The following CSMD1 variants were observed in gnomAD, a reference collection of about 807,000 sequenced individuals.
CSMD1 encodes the protein CUB and Sushi multiple domains 1, also known as CUB and sushi domain-containing protein 1.
In CSMD1, 213 loss-of-function variants were observed where a neutral mutation model predicts 417.5. That is an observed-to-expected ratio of 0.51 (90% CI 0.46 to 0.57). The LOEUF (loss-of-function observed/expected upper bound fraction) is 0.57, where lower values mean the gene tolerates loss of function less well. CSMD1 is among the 20% of genes least tolerant of loss of function. The pLI, the probability that CSMD1 is intolerant of heterozygous loss-of-function variation, is 0.00. For synonymous variants in CSMD1, 2,862 were observed against 1,736.8 expected (o/e 1.65, Z -16.11); for missense variants, 6,923 against 4,529.7 (o/e 1.53, Z -15.17).
At position 3,561,180 on chromosome 8, in the gene CSMD1, T is replaced by C. The variant is rs543431541; in HGVS notation, c.1344+13765A>G. On this transcript the variant is annotated intron_variant, in intron 10 of 69. Coordinates refer to ENST00000635120, the MANE Select transcript of CSMD1 (RefSeq NM_033225.6). Reference sequence around the variant, plus strand: ...AAGGATGTGCAGAAAGCAAATACTATTGGTAGCAATGTAAATGAGTAAGCC... The same window carrying C: ...AAGGATGTGCAGAAAGCAAATACTACTGGTAGCAATGTAAATGAGTAAGCC... Among the ~76,000 whole-genome samples the C allele has an allele frequency of 9.2e-5, 14 of 152,298 alleles. No homozygotes were observed. The East Asian group carries it at 2.5e-3, about 27-fold the overall frequency.
intron 49 of CSMD1, among the ~76,000 whole-genome samples, chr8:3,078,642 A>G (rs1334081267): frequency 6.6e-6 from 1 of 152,194 alleles, no homozygotes; most frequent in African/African-American, 2.4e-5. Flanking sequence ...TGAAAAACTT[A>G]AAGACAAAGA....
intron 41 of CSMD1, 135 bp downstream of exon 41, chr8:3,142,330 G>C: frequency 1.2e-6 from 1 of 802,352 alleles, no homozygotes; most frequent in Non-Finnish European, 2.0e-6. Flanking sequence ...CTACTAACCA[G>C]AAACCAACAT....
chr8:3,278,628 A>G (rs373759320), intron 26 of CSMD1: 1 of 148,946 alleles, frequency 6.7e-6, no homozygotes, highest in African/African-American at 2.5e-5. Context: ...ATCACAACAC[A>G]ATCTAATTTA....
chr8:3,454,699 C>T (rs1815990060), intron 12 of CSMD1, among the ~76,000 whole-genome samples: 1 of 152,208 alleles, frequency 6.6e-6, no homozygotes, highest in African/African-American at 2.4e-5. Context: ...GTCTGATGGG[C>T]TTCCCCTTGT....
intron 4 of CSMD1, among the ~76,000 whole-genome samples, chr8:4,023,636 G>C (rs2954631): frequency 0.21 from 31,621 of 147,666 alleles, 4,187 homozygotes; most frequent in South Asian, 0.32. Flanking sequence ...GCCCAGGCTA[G>C]AGTGCAGTGG....
chr8:3,388,175 G>A (rs995906391), intron 17 of CSMD1, among the ~76,000 whole-genome samples: 1 of 152,076 alleles, frequency 6.6e-6, no homozygotes, highest in Non-Finnish European at 1.5e-5. Context: ...TAAAAACTGT[G>A]CTAGTGTTAT....
intron 1 of CSMD1, among the ~76,000 whole-genome samples, chr8:4,955,110 T>C (rs1208948859): frequency 6.6e-6 from 1 of 152,124 alleles, no homozygotes; most frequent in Non-Finnish European, 1.5e-5. Flanking sequence ...CAGAAATGGC[T>C]TTAAATGGGA....
At chr8:3,009,238 AG>A (rs1335543579) in intron 52 of CSMD1, among the ~76,000 whole-genome samples, 27 of 152,248 alleles carry the variant, frequency 1.8e-4, no homozygotes, top group African/African-American at 6.5e-4. Flanking sequence ...GGTTTGTAGC[AG>A]GACAAATACT....
At chr8:4,130,137 C>T (rs186698520) in intron 3 of CSMD1, among the ~76,000 whole-genome samples, 19 of 152,202 alleles carry the variant, frequency 1.2e-4, no homozygotes, top group Non-Finnish European at 2.6e-4. Flanking sequence ...GTAAATCAAG[C>T]TTGCTTATTT....
At chr8:3,054,635 A>C (rs1585238082) in intron 49 of CSMD1, among the ~76,000 whole-genome samples, 1 of 152,114 alleles carries the variant, frequency 6.6e-6, no homozygotes, top group Admixed American at 6.5e-5. Context: ...AACAAAAAAC[A>C]CATGCGTGTG....
chr8:3,892,725 T>A (rs1467201007), intron 5 of CSMD1, among the ~76,000 whole-genome samples: 5 of 149,886 alleles, frequency 3.3e-5, no homozygotes, highest in Non-Finnish European at 7.4e-5. Context: ...GTTTTTTTTT[T>A]TTTTTTTTTT....
intron 5 of CSMD1, among the ~76,000 whole-genome samples, chr8:3,931,850 G>C (rs1336613054): frequency 6.8e-6 from 1 of 147,280 alleles, no homozygotes; most frequent in East Asian, 2.0e-4. Context: ...CTTTAAGGCA[G>C]AGTTGCAAAG....
intron 1 of CSMD1, among the ~76,000 whole-genome samples, chr8:4,714,765 G>T (rs1037282029): frequency 6.6e-6 from 1 of 151,994 alleles, no homozygotes; most frequent in African/African-American, 2.4e-5. Flanking sequence ...AAATAATAGA[G>T]GAAAAATAAT....
chr8:3,325,043 T>C (rs1171901402), intron 23 of CSMD1, among the ~76,000 whole-genome samples: 2 of 152,218 alleles, frequency 1.3e-5, no homozygotes, highest in Admixed American at 6.5e-5. Flanking sequence ...TCAGAATTTG[T>C]GGAGCAGAGA....
chr8:4,676,361 T>C (rs1245253953), intron 1 of CSMD1, among the ~76,000 whole-genome samples: 1 of 152,156 alleles, frequency 6.6e-6, no homozygotes, highest in Non-Finnish European at 1.5e-5. Flanking sequence ...ACTGCACCAC[T>C]GCCCTAATAT....
chr8:3,048,865 A>G (rs984569600), intron 50 of CSMD1, among the ~76,000 whole-genome samples: 2 of 131,176 alleles, frequency 1.5e-5, no homozygotes, highest in African/African-American at 5.4e-5. Context: ...TAAACTATAT[A>G]AAGAACTCTT....
chr8:4,568,529 A>T (rs1798728633), intron 2 of CSMD1, among the ~76,000 whole-genome samples: 1 of 152,156 alleles, frequency 6.6e-6, no homozygotes, highest in Non-Finnish European at 1.5e-5. Flanking sequence ...ATTGATGGGC[A>T]TTTGGGTTGA....
intron 4 of CSMD1, among the ~76,000 whole-genome samples, 177 bp downstream of exon 4, chr8:4,031,728 G>A (rs1456411188): frequency 6.6e-6 from 1 of 152,104 alleles, no homozygotes; most frequent in African/African-American, 2.4e-5. Flanking sequence ...CACATTACAT[G>A]TTATTTCTTA....
intron 3 of CSMD1, among the ~76,000 whole-genome samples, chr8:4,236,589 A>T (rs1802078065): frequency 6.6e-6 from 1 of 152,210 alleles, no homozygotes; most frequent in Non-Finnish European, 1.5e-5. Flanking sequence ...AAATGAGCTG[A>T]CAAATTTAAG....
Sources: allele counts gnomAD v4.1 joint callset (sites outside exome capture counted in the v4.1 genomes callset), GRCh38; gene constraint gnomAD v4.1.1; transcripts MANE v1.5; gene names NCBI Gene and HGNC (gene_info 2026-07-23, HGNC 2026-07-21).